The following SLC28A3 variants were observed in gnomAD, a reference collection of about 807,000 sequenced individuals.
SLC28A3 encodes concentrative Na(+)-nucleoside cotransporter 3.
SLC28A3 carries 68 observed loss-of-function variants against 84.2 expected under a neutral mutation model. That is an observed-to-expected ratio of 0.81 (90% confidence interval 0.66 to 0.99). The LOEUF (loss-of-function observed/expected upper bound fraction) is 0.99. Ranked by LOEUF, SLC28A3 falls within the 50% of genes least tolerant of loss-of-function variation. The probability of loss-of-function intolerance (pLI) is 0.00; values close to 1 mark genes in which losing one functional copy is unlikely to be tolerated. For missense variants in SLC28A3, 712 were observed against 841.5 expected (o/e 0.85, Z 1.90); for synonymous variants, 267 against 303.6 (o/e 0.88, Z 1.25).
At chr9:84,297,839 G>A (rs149932722) in intron 7 of SLC28A3, 67 bp downstream of exon 7, 11 of 1,309,540 alleles carry the variant, frequency 8.4e-6, no homozygotes, top group Admixed American at 6.7e-5. Context: ...TTTCTGACAC[G>A]TCTTGAGGAT....
chr9:84,328,156 T>TACACACACACAC (rs71498096), intron 1 of SLC28A3, among the ~76,000 whole-genome samples: 17,611 of 131,432 alleles, frequency 0.13, 1,293 homozygotes, highest in Non-Finnish European at 0.16. Context: ...GGGAAAAGAC[T>TACACACACACAC]ACACACACAC....
At chr9:84,349,529 G>A in the SLC28A3 span, among the ~76,000 whole-genome samples, 5 of 152,206 alleles carry the variant, frequency 3.3e-5, no homozygotes, top group Non-Finnish European at 5.9e-5. Flanking sequence ...CAGCCACCAC[G>A]TCCGGCTTAC....
intron 10 of SLC28A3, among the ~76,000 whole-genome samples, chr9:84,291,620 G>A (rs1825226631): frequency 6.6e-6 from 1 of 152,248 alleles, no homozygotes; most frequent in South Asian, 2.1e-4. Flanking sequence ...ACAGGCGTGA[G>A]CCACTGCGCC....
rs532259813 is a variant in SLC28A3, at chr9:84,324,576, G to A, written c.61-11122C>T. On this transcript the variant is annotated intron_variant, in intron 1 of 17. Transcript: ENST00000376238. ...GGAGGATTGCTTGAGCTTCAGAGGC[G>A]GAGGTTGCAGTGAGCTGAGATCACA... 5.3e-5 allele frequency among the ~76,000 whole-genome samples: 8 copies of A among 151,954 alleles called. No individual in the cohort carries two copies. The East Asian group carries it at 9.7e-4, about 18-fold the overall frequency.
At chr9:84,296,364 C>T (rs766810980) in intron 8 of SLC28A3, among the ~76,000 whole-genome samples, 3 of 152,140 alleles carry the variant, frequency 2.0e-5, no homozygotes, top group Non-Finnish European at 4.4e-5. Flanking sequence ...GCTGGTTTAA[C>T]GTTTTAGGCT....
rs370536409 is a variant in SLC28A3, at chr9:84,319,424, G to T, written c.61-5970C>A. ...TCACACCTGTAATCCCAGCACTTTGGGGGGCTGAGGCAGACGGGTCACTTG... is the reference window on the plus strand; with the variant it reads ...TCACACCTGTAATCCCAGCACTTTGTGGGGCTGAGGCAGACGGGTCACTTG... On this transcript the variant is annotated intron_variant, in intron 1 of 17. Coordinates refer to ENST00000376238, the MANE Select transcript of SLC28A3 (RefSeq NM_001199633.2). 2.6e-5 allele frequency among the ~76,000 whole-genome samples: 4 copies of T among 152,266 alleles called. No individual in the cohort carries two copies. In the East Asian group the frequency reaches 7.7e-4, roughly 29 times the overall value.
intron 4 of SLC28A3, among the ~76,000 whole-genome samples, chr9:84,303,128 CTG>C (rs1825686190): frequency 1.3e-5 from 2 of 152,188 alleles, no homozygotes; most frequent in African/African-American, 4.8e-5. Flanking sequence ...ACCTTAAAAA[CTG>C]AGTTCCCAAC....
intron 1 of SLC28A3, among the ~76,000 whole-genome samples, chr9:84,334,080 G>A (rs1437740219): frequency 6.6e-6 from 1 of 152,200 alleles, no homozygotes; most frequent in Non-Finnish European, 1.5e-5. Context: ...CAAGGCGGGT[G>A]GATCACGTGA....
At chr9:84,308,894 G>A (rs1402030554) in intron 3 of SLC28A3, among the ~76,000 whole-genome samples, 2 of 152,164 alleles carry the variant, frequency 1.3e-5, no homozygotes, top group African/African-American at 4.8e-5. Flanking sequence ...TAAGAACTTG[G>A]AATACTTTGA....
intron 1 of SLC28A3, 133 bp from the exon 2 acceptor site, chr9:84,313,587 C>G: frequency 1.5e-6 from 1 of 659,268 alleles, no homozygotes; most frequent in Non-Finnish European, 2.6e-6. Flanking sequence ...GCATCCGATT[C>G]AACAAACAGC....
intron 15 of SLC28A3, among the ~76,000 whole-genome samples, chr9:84,280,311 T>C (rs1824696295): frequency 6.6e-6 from 1 of 152,156 alleles, no homozygotes; most frequent in South Asian, 2.1e-4. Context: ...AGGCTCATTC[T>C]CCACAGAAGA....
chr9:84,278,138 AAT>A lies in SLC28A3; in HGVS notation c.*78_*79del. ...ATTATGGAAGCATCAATCTGTGGACAATAGCTTCTTTTTTTTTTCTTTCCAAA... is the reference window on the plus strand; with the variant it reads ...ATTATGGAAGCATCAATCTGTGGACAAGCTTCTTTTTTTTTTCTTTCCAAA... On this transcript the variant is annotated 3_prime_UTR_variant, in exon 18 of 18. Coordinates refer to ENST00000376238, the MANE Select transcript of SLC28A3 (RefSeq NM_001199633.2). 6.6e-7 allele frequency: 1 copy of A among 1,519,590 alleles called. No individual in the cohort carries two copies. Among genetic ancestry groups the A allele is most frequent in the Non-Finnish European group, 8.9e-7 (1 of 1,126,966 alleles). The allele number at this position is 1,519,590 out of a possible 1,614,324, so 94.1% of individuals were successfully genotyped here.
chr9:84,304,542 A>G (rs983599868), intron 4 of SLC28A3, among the ~76,000 whole-genome samples: 1 of 152,156 alleles, frequency 6.6e-6, no homozygotes, highest in Non-Finnish European at 1.5e-5. Context: ...GGGAGTAAAA[A>G]CAGGAGACAT....
intron 3 of SLC28A3, among the ~76,000 whole-genome samples, chr9:84,308,184 T>C (rs769685199): frequency 8.5e-5 from 13 of 152,170 alleles, no homozygotes; most frequent in Non-Finnish European, 1.9e-4. Flanking sequence ...GAGGCTGCAG[T>C]GAGCTTGACA....
At chr9:84,296,908 C>T (rs929958807) in intron 8 of SLC28A3, among the ~76,000 whole-genome samples, 7 of 152,160 alleles carry the variant, frequency 4.6e-5, no homozygotes, top group African/African-American at 1.4e-4. Context: ...CCCTGAAGGC[C>T]GAAGGTGCTA....
the SLC28A3 span, among the ~76,000 whole-genome samples, chr9:84,367,939 C>T: frequency 5.3e-5 from 8 of 152,118 alleles, no homozygotes; most frequent in African/African-American, 1.4e-4. Flanking sequence ...CAGGGACATG[C>T]GGGAAACAGA....
At position 84,285,366 on chromosome 9, in the gene SLC28A3, GT is replaced by G. The variant is rs1233205415; in HGVS notation, c.1625del (p.Asn542ThrfsTer13). On this transcript the variant is annotated frameshift_variant, in exon 14 of 18. Coordinates refer to ENST00000376238, the MANE Select transcript of SLC28A3 (RefSeq NM_001199633.2). LOFTEE classifies it high-confidence loss of function. ...LRKEGGPKFV[N>X]GVQQYISIRS... ...TCACTGATATATATTGCTGCACACC[GT>G]TTACAAATTTGGGTCCACCTTCTTT... 4 of 1,614,070 alleles carry G rather than the reference GT, an allele frequency of 2.5e-6. No homozygotes were observed. The highest frequency in any genetic ancestry group is 3.4e-6 in the Non-Finnish European group (4 of 1,179,964).
In SLC28A3 at chr9:84,277,548, A is replaced by AAAAT. The variant is rs1284990510; in HGVS notation, c.*666_*669dup. ...TGGATCATTACAAACATGTGAGTGA[A>AAAAT]AAATAAATCTGTAAGCCACTGAGGT... is the stretch of plus-strand genomic sequence containing the variant. On this transcript the variant is annotated 3_prime_UTR_variant, in exon 18 of 18. Transcript: ENST00000376238. 1 of 152,264 alleles carries AAAAT rather than the reference A, an allele frequency of 6.6e-6. No homozygotes were observed. Among genetic ancestry groups the AAAAT allele is most frequent in the African/African-American group, 2.4e-5 (1 of 41,468 alleles). 9.4% of individuals were successfully genotyped at this position (152,264 alleles called of 1,614,324 possible). A position where few individuals can be genotyped will look rare whatever the true frequency, so the allele number is the denominator to read the frequency against.
the SLC28A3 span, among the ~76,000 whole-genome samples, chr9:84,361,509 C>T: frequency 6.6e-6 from 1 of 152,152 alleles, no homozygotes; most frequent in East Asian, 1.9e-4. Context: ...CCGTTGAAGC[C>T]ATAGATGATC....
Sources: allele counts gnomAD v4.1 joint callset (sites outside exome capture counted in the v4.1 genomes callset), GRCh38; gene constraint gnomAD v4.1.1; transcripts MANE v1.5; gene names NCBI Gene and HGNC (gene_info 2026-07-23, HGNC 2026-07-21).